ANO4: variants seen among roughly 807,000 people sequenced by gnomAD.
ANO4 encodes anoctamin-4.
In ANO4, 69 loss-of-function variants were observed where a neutral mutation model predicts 141.9. The observed-to-expected ratio is 0.49, with a 90% CI of 0.40 to 0.59. The LOEUF is 0.59. Ranked by LOEUF, ANO4 falls within the 20% of genes least tolerant of loss-of-function variation. The pLI is 0.00. For missense variants in ANO4, 894 were observed against 1,162.2 expected (o/e 0.77, Z 3.36); for synonymous variants, 350 against 394.3 (o/e 0.89, Z 1.33).
chr12:101,080,748 A>T (rs1036481869), intron 15 of ANO4, among the ~76,000 whole-genome samples: 1 of 151,272 alleles, frequency 6.6e-6, no homozygotes, highest in African/African-American at 2.4e-5. Flanking sequence ...AATTGCTTGA[A>T]CCCAGAAGGT....
At chr12:101,001,457 C>G (rs1279610089) in intron 8 of ANO4, among the ~76,000 whole-genome samples, 1 of 152,164 alleles carries the variant, frequency 6.6e-6, no homozygotes, top group Non-Finnish European at 1.5e-5. Flanking sequence ...TGCAAAAACC[C>G]TGAAACATAA....
At chr12:101,125,305 C>T (rs756928865) in intron 26 of ANO4, among the ~76,000 whole-genome samples, 1 of 152,094 alleles carries the variant, frequency 6.6e-6, no homozygotes, top group African/African-American at 2.4e-5. Flanking sequence ...ATGATTTTTG[C>T]ACATTGATTT....
intron 8 of ANO4, among the ~76,000 whole-genome samples, chr12:101,019,091 G>A (rs1370488267): frequency 6.6e-6 from 1 of 152,132 alleles, no homozygotes; most frequent in African/African-American, 2.4e-5. Context: ...TGCTGGAGGA[G>A]GTGACTTCTG....
chr12:100,821,972 A>G (rs1161344875), intron 1 of ANO4, among the ~76,000 whole-genome samples: 3 of 151,800 alleles, frequency 2.0e-5, no homozygotes, highest in African/African-American at 7.3e-5. Context: ...TTTCCTCCAC[A>G]TCCCCATCAA....
At chr12:101,003,933 GA>G in intron 8 of ANO4, among the ~76,000 whole-genome samples, 1 of 152,066 alleles carries the variant, frequency 6.6e-6, no homozygotes, top group East Asian at 1.9e-4. Flanking sequence ...TGGAATATTT[GA>G]AAATTCCAAA....
At chr12:101,120,686 G>GAATAAA in intron 26 of ANO4, 61 bp downstream of exon 26, 2 of 1,348,774 alleles carry the variant, frequency 1.5e-6, no homozygotes, top group Non-Finnish European at 2.1e-6. Context: ...TAGGAGTAAT[G>GAATAAA]AATAAAAATA....
At chr12:101,095,062 G>A (rs188545906) in intron 18 of ANO4, among the ~76,000 whole-genome samples, 3 of 152,262 alleles carry the variant, frequency 2.0e-5, no homozygotes, top group Admixed American at 2.0e-4. Flanking sequence ...GCTCCATGCA[G>A]TTTGAGAAAA....
At chr12:101,029,283 A>G (rs1382089612) in intron 9 of ANO4, among the ~76,000 whole-genome samples, 3 of 152,192 alleles carry the variant, frequency 2.0e-5, no homozygotes, top group East Asian at 3.8e-4. Context: ...CTAGTATGCA[A>G]AATAACCAGA....
At chr12:100,840,635 C>G (rs1213551173) in intron 1 of ANO4, among the ~76,000 whole-genome samples, 1 of 152,102 alleles carries the variant, frequency 6.6e-6, no homozygotes, top group Non-Finnish European at 1.5e-5. Context: ...AAACCTATAT[C>G]CCATTTTCTG....
intron 1 of ANO4, among the ~76,000 whole-genome samples, chr12:100,855,599 T>C (rs1396515782): frequency 2.0e-5 from 3 of 152,236 alleles, no homozygotes; most frequent in Non-Finnish European, 2.9e-5. Flanking sequence ...TTTCTGTTTT[T>C]CCTTGTTTAT....
At chr12:100,840,123 AAATAAT>A (rs3058372) in intron 1 of ANO4, among the ~76,000 whole-genome samples, 1 of 149,730 alleles carries the variant, frequency 6.7e-6, no homozygotes, top group Non-Finnish European at 1.5e-5. Context: ...CTTAAACCAA[AAATAAT>A]AATAATAATA....
At chr12:100,863,205 G>T (rs1431263717) in intron 1 of ANO4, among the ~76,000 whole-genome samples, 2 of 152,164 alleles carry the variant, frequency 1.3e-5, no homozygotes, top group South Asian at 2.1e-4. Context: ...TACAGATCTT[G>T]TAGGGCTTTT....
chr12:100,821,509 G>A (rs2036050048), intron 1 of ANO4, among the ~76,000 whole-genome samples: 1 of 152,026 alleles, frequency 6.6e-6, no homozygotes, highest in African/African-American at 2.4e-5. Flanking sequence ...TGGAGAATAT[G>A]CTTTCAGGTA....
chr12:101,026,698 A>C (rs2046750153), intron 9 of ANO4, among the ~76,000 whole-genome samples: 1 of 152,166 alleles, frequency 6.6e-6, no homozygotes, highest in African/African-American at 2.4e-5. Flanking sequence ...ACCCATATGC[A>C]AAAAAATGAA....
chr12:100,818,096 T>C (rs1313821302), intron 1 of ANO4, among the ~76,000 whole-genome samples: 1 of 151,848 alleles, frequency 6.6e-6, no homozygotes, highest in East Asian at 1.9e-4. Context: ...TCCTAAACTT[T>C]TAGCTTATTT....
chr12:100,866,168 A>G (rs1258394194), intron 1 of ANO4, among the ~76,000 whole-genome samples: 1 of 152,156 alleles, frequency 6.6e-6, no homozygotes, highest in African/African-American at 2.4e-5. Context: ...CTCTCAGTAT[A>G]TGTGCTTATC....
At chr12:101,056,132 A>C (rs1484734061) in intron 14 of ANO4, among the ~76,000 whole-genome samples, 5 of 152,130 alleles carry the variant, frequency 3.3e-5, no homozygotes, top group African/African-American at 9.7e-5. Context: ...TTGCATTTCC[A>C]AAAAAATTGT....
At chr12:100,761,584 G>A (rs1439026227) in intron 3 of ANO4, among the ~76,000 whole-genome samples, 4 of 152,128 alleles carry the variant, frequency 2.6e-5, no homozygotes, top group Non-Finnish European at 1.5e-5. Flanking sequence ...AGCACCCAGG[G>A]ATTTTATTGG....
intron 8 of ANO4, among the ~76,000 whole-genome samples, chr12:101,003,235 C>T (rs1023700890): frequency 8.5e-5 from 13 of 152,220 alleles, no homozygotes; most frequent in Admixed American, 3.9e-4. Flanking sequence ...ATGTTAGCAA[C>T]GGGTCAACTG....
Sources: gnomAD v4.1 joint callset for allele counts (sites outside exome capture counted in the v4.1 genomes callset) on GRCh38, gnomAD v4.1.1 for gene constraint, MANE v1.5 for transcripts, NCBI Gene and HGNC (gene_info 2026-07-23, HGNC 2026-07-21) for gene names.